TEKT3: variants seen among roughly 807,000 people sequenced by gnomAD.
TEKT3 encodes the protein tektin-3.
A neutral mutation model predicts 49.8 loss-of-function variants in TEKT3; 49 were observed. The observed-to-expected ratio is 0.98, with a 90% CI of 0.78 to 1.25. TEKT3 has a LOEUF of 1.25. TEKT3 is among the 50% of genes most tolerant of loss of function. The pLI is 0.00. For missense variants in TEKT3, 595 were observed against 629.5 expected (o/e 0.95, Z 0.59); for synonymous variants, 225 against 237.2 (o/e 0.95, Z 0.47).
At chr17:15,336,594 T>C (rs1017194406) in intron 2 of TEKT3, among the ~76,000 whole-genome samples, 1 of 152,180 alleles carries the variant, frequency 6.6e-6, no homozygotes, top group African/African-American at 2.4e-5. Context: ...TTCAAATTTC[T>C]TTAAAAGATC....
intron 5 of TEKT3, among the ~76,000 whole-genome samples, chr17:15,314,987 G>T (rs1245536101): frequency 6.6e-6 from 1 of 152,156 alleles, no homozygotes; most frequent in Non-Finnish European, 1.5e-5. Context: ...CCTGGGGGCA[G>T]GCATAGATGA....
chr17:15,311,567 C>T (rs538120916), intron 7 of TEKT3: 3 of 152,268 alleles, frequency 2.0e-5, no homozygotes, highest in Admixed American at 6.5e-5. Flanking sequence ...CGCTCATTAC[C>T]CTGACCTGAT....
At position 15,314,185 on chromosome 17, in the gene TEKT3, G is replaced by C; in HGVS notation, c.780C>G (p.Asp260Glu). The C allele has an allele frequency of 6.2e-7, 1 of 1,614,216 alleles. No homozygotes were observed. The highest frequency in any genetic ancestry group is 8.5e-7 in the Non-Finnish European group (1 of 1,180,028). Reference protein sequence around the residue: ...SQHELEKDLSDKQTAYRIDDK... With the variant: ...SQHELEKDLSEKQTAYRIDDK... The stretch of plus-strand genomic sequence containing the variant: ...CGTCGATCCGGTAAGCCGTCTGTTT[G>C]TCACTCAGGTCCTTTTCCAGCTCAT... The change falls in exon 6 of 9, where the codon GAC becomes GAG. Residue 260 changes from aspartate (D) to glutamate (E), a missense_variant. Coordinates refer to ENST00000395930, the MANE Select transcript of TEKT3 (RefSeq NM_031898.3).
At chr17:15,323,834 C>T (rs73280330) in intron 4 of TEKT3, among the ~76,000 whole-genome samples, 1 of 152,220 alleles carries the variant, frequency 6.6e-6, no homozygotes, top group African/African-American at 2.4e-5. Context: ...ATAAAGCCAC[C>T]ACTGTCAGGT....
At position 15,314,232 on chromosome 17, in the gene TEKT3, T is replaced by C; in HGVS notation, c.735-2A>G. 6.2e-7 allele frequency: 1 copy of C among 1,614,200 alleles called. No individual in the cohort carries two copies. Among genetic ancestry groups the C allele is most frequent in the Non-Finnish European group, 8.5e-7 (1 of 1,180,034 alleles). ...TCATGCTGGGACGCTCTGTTGGCTC[T>C]GCAATACAGAGTCGGGAAGTGGAGC... On this transcript the variant is annotated splice_acceptor_variant, in intron 5 of 8. Coordinates refer to ENST00000395930, the MANE Select transcript of TEKT3 (RefSeq NM_031898.3). LOFTEE classifies it high-confidence loss of function.
At position 15,308,700 on chromosome 17, in the gene TEKT3, G is replaced by A. The variant is rs371962938; in HGVS notation, c.1220C>T (p.Pro407Leu). Residue 407 changes from proline to leucine, a missense_variant, in exon 8 of 9, where the codon CCG becomes CTG. Transcript: ENST00000395930. ...CATGTCTCGGCACAACTCAATGTTCGGCCGTCTTGTGCGCTCATCCAGTCT... is the reference window on the plus strand; with the variant it reads ...CATGTCTCGGCACAACTCAATGTTCAGCCGTCTTGTGCGCTCATCCAGTCT... ...QTRLDERTRR[P>L]NIELCRDMAQ... The A allele has an allele frequency of 1.0e-4, 161 of 1,612,768 alleles. 1 individual carries two copies. Among genetic ancestry groups the A allele is most frequent in the African/African-American group, 1.3e-4 (10 of 74,980 alleles).
intron 2 of TEKT3, among the ~76,000 whole-genome samples, chr17:15,332,922 A>G (rs8069939): frequency 0.067 from 10,255 of 152,100 alleles, 780 homozygotes; most frequent in African/African-American, 0.19. Flanking sequence ...TATTATTTAT[A>G]TTTTATATAC....
chr17:15,305,486 A>T lies in TEKT3; in HGVS notation c.1257-1334T>A, dbSNP rs1011558686. 2.1e-4 allele frequency among the ~76,000 whole-genome samples: 32 copies of T among 152,332 alleles called. 1 individual carries two copies. Among genetic ancestry groups the T allele is most frequent in the African/African-American group, 6.3e-4 (26 of 41,564 alleles). The stretch of plus-strand genomic sequence containing the variant: ...GTTATTGTTTAGGCCAAACTGAATT[A>T]AAAAAGAAAGGCTTTTTAAAGATCC... On this transcript the variant is annotated intron_variant, in intron 8 of 8. Coordinates refer to ENST00000395930, the MANE Select transcript of TEKT3 (RefSeq NM_031898.3).
At position 15,303,987 on chromosome 17, in the gene TEKT3, C is replaced by T. The variant is rs759713740; in HGVS notation, c.1422G>A (p.Met474Ile). ...TGTTGGGGTAGCTCTTGCGCATGCT[C>T]ATGCATTTTTCCTGGTCGATGTACA... The part of the protein sequence containing the change: ...NSLYIDQEKC[M>I]SMRKSYPNTL... Residue 474 changes from methionine (M) to isoleucine (I), a missense_variant, in exon 9 of 9, where the codon ATG becomes ATA. Physicochemically the swap from Met to Ile is conservative, Grantham distance 10. Transcript: ENST00000395930. 3 of 1,614,030 alleles carry T rather than the reference C, an allele frequency of 1.9e-6. No homozygotes were observed. The highest frequency in any genetic ancestry group is 3.3e-5 in the Admixed American group (2 of 60,006).
In TEKT3 at chr17:15,330,987, G is replaced by A. The variant is rs776265377; in HGVS notation, c.579+20C>T. ...GGTTATAATCATAAAAATTCAGTGT[G>A]TTCTATCATAAGGTCTTACCTGAAG... is the stretch of plus-strand genomic sequence containing the variant. On this transcript the variant is annotated intron_variant, in intron 3 of 8. Transcript: ENST00000395930. The A allele has an allele frequency of 2.7e-5, 42 of 1,569,596 alleles. No homozygotes were observed. Among genetic ancestry groups the A allele is most frequent in the Non-Finnish European group, 3.6e-5 (42 of 1,158,634 alleles).
chr17:15,332,883 G>C (rs1247574482), intron 2 of TEKT3, among the ~76,000 whole-genome samples: 1 of 151,986 alleles, frequency 6.6e-6, no homozygotes, highest in Non-Finnish European at 1.5e-5. Flanking sequence ...TATCTTTCCA[G>C]ATTTTTCCTA....
chr17:15,328,076 C>CT lies in TEKT3; in HGVS notation c.580-2dup. On this transcript the variant is annotated splice_acceptor_variant, in intron 3 of 8. Transcript: ENST00000395930. LOFTEE classifies it high-confidence loss of function. ...GATGAAATAGACATTCTCGGGCTAC[C>CT]TACAGATACACAGATAATGGAAAGC... 6.2e-7 allele frequency: 1 copy of CT among 1,612,938 alleles called. No homozygotes were observed. The highest frequency in any genetic ancestry group is 8.5e-7 in the Non-Finnish European group (1 of 1,179,076).
intron 4 of TEKT3, among the ~76,000 whole-genome samples, chr17:15,320,881 C>A (rs1911223534): frequency 6.6e-6 from 1 of 152,046 alleles, no homozygotes; most frequent in Non-Finnish European, 1.5e-5. Flanking sequence ...TAGAAAGGAC[C>A]ATTTAAAACC....
At chr17:15,319,357 C>T (rs1015118645) in intron 4 of TEKT3, among the ~76,000 whole-genome samples, 3 of 151,946 alleles carry the variant, frequency 2.0e-5, no homozygotes, top group Non-Finnish European at 4.4e-5. Flanking sequence ...CTTCATAGGT[C>T]GGTCCATGGG....
chr17:15,321,345 T>C (rs1409267158), intron 4 of TEKT3, among the ~76,000 whole-genome samples: 1 of 152,110 alleles, frequency 6.6e-6, no homozygotes, highest in Non-Finnish European at 1.5e-5. Flanking sequence ...AATAATGTCA[T>C]ATGATGAATG....
intron 5 of TEKT3, among the ~76,000 whole-genome samples, chr17:15,315,676 G>C (rs1208647300): frequency 1.3e-5 from 2 of 152,110 alleles, no homozygotes; most frequent in Admixed American, 1.3e-4. Context: ...GGAGAAGCTA[G>C]GGGAGAAGAT....
At position 15,304,507 on chromosome 17, in the gene TEKT3, A is replaced by G. The variant is rs780836174; in HGVS notation, c.1257-355T>C. 1.3e-5 allele frequency among the ~76,000 whole-genome samples: 2 copies of G among 152,196 alleles called. No homozygotes were observed. The highest frequency in any genetic ancestry group is 2.9e-5 in the Non-Finnish European group (2 of 68,038). On this transcript the variant is annotated intron_variant, in intron 8 of 8. Transcript: ENST00000395930. This position sits in a 1 kb window ranked among gnomAD's most constrained non-coding sequence, Gnocchi z 4.7. ...CAAGCCCAACTTCCTTGTTTTACAG[A>G]CTAGGAAATAGAGCCCAGGGGTTCA...
chr17:15,325,537 T>C (rs1450821682), intron 4 of TEKT3, among the ~76,000 whole-genome samples: 1 of 152,204 alleles, frequency 6.6e-6, no homozygotes, highest in East Asian at 1.9e-4. Flanking sequence ...CACTGCAGAT[T>C]TGAATCAGCA....
At chr17:15,314,325 T>G (rs1194979769) in intron 5 of TEKT3, 95 bp from the exon 6 acceptor site, 2 of 1,509,888 alleles carry the variant, frequency 1.3e-6, no homozygotes, top group Non-Finnish European at 1.8e-6. Context: ...CCTCTCTCAC[T>G]GTTGCTCTCA....
Sources: gnomAD v4.1 joint callset for allele counts (sites outside exome capture counted in the v4.1 genomes callset) on GRCh38, gnomAD v4.1.1 for gene constraint, Gnocchi (gnomAD v3.1) non-coding constraint, MANE v1.5 for transcripts, NCBI Gene and HGNC (gene_info 2026-07-23, HGNC 2026-07-21) for gene names.